BNIPL: variants seen among roughly 807,000 people sequenced by gnomAD.
The protein encoded by BNIPL is bcl-2/adenovirus E1B 19 kDa-interacting protein 2-like protein.
A neutral mutation model predicts 47.0 loss-of-function variants in BNIPL; 33 were observed. The ratio of observed to expected loss-of-function variants is 0.70; its 90% CI spans 0.53 to 0.94. The LOEUF (loss-of-function observed/expected upper bound fraction) is 0.94. Ranked by LOEUF, BNIPL falls within the 40% of genes least tolerant of loss-of-function variation. The pLI is 0.00. For missense variants in BNIPL, 404 were observed against 445.2 expected, an observed-to-expected ratio of 0.91 and a Z score of 0.83; for synonymous variants, 145 against 162.7, an observed-to-expected ratio of 0.89 and a Z score of 0.83.
chr1:151,045,965 C>A (rs1271574662), intron 8 of BNIPL, 82 bp downstream of exon 8: 2 of 1,612,724 alleles, frequency 1.2e-6, no homozygotes, highest in East Asian at 4.5e-5. Flanking sequence ...CACCTTGATT[C>A]TTTCTAGCCT....
In BNIPL at chr1:151,043,120, A is replaced by T. The variant is rs1480501896; in HGVS notation, c.598A>T (p.Lys200Ter). Residue 200 changes from lysine (K) to a stop codon, truncating the protein, a stop_gained, in exon 5 of 10, where the codon AAA (lysine) becomes TAA (stop). Transcript: ENST00000368931. LOFTEE classifies it high-confidence loss of function. Reference protein sequence around the residue: ...VDMTVIEPYKKVLSHGGYHGD... With the variant: ...VDMTVIEPYK ...CATGACTGTCATTGAGCCCTATAAG[A>T]AAGTCCTGTCTCATGGAGGTAATGG... 10 of 1,613,092 alleles carry T rather than the reference A, an allele frequency of 6.2e-6. No homozygotes were observed. Among genetic ancestry groups the T allele is most frequent in the Non-Finnish European group, 8.5e-6 (10 of 1,179,614 alleles).
At chr1:151,043,788 A>T in intron 7 of BNIPL, 61 bp downstream of exon 7, 1 of 1,510,248 alleles carries the variant, frequency 6.6e-7, no homozygotes, top group Non-Finnish European at 9.0e-7. Flanking sequence ...CCATCTTTCT[A>T]TTATTTCTTC....
At chr1:151,045,266 C>CAAAAAAAAAA (rs35529687) in intron 7 of BNIPL, among the ~76,000 whole-genome samples, 2 of 52,354 alleles carry the variant, frequency 3.8e-5, no homozygotes, top group African/African-American at 1.4e-4. Context: ...GATTCCATCT[C>CAAAAAAAAAA]AAAAAAAAAA....
At chr1:151,039,592 G>A (rs115422057) in intron 4 of BNIPL, among the ~76,000 whole-genome samples, 7,545 of 152,210 alleles carry the variant, frequency 0.05, 236 homozygotes, top group South Asian at 0.11. Context: ...CAAAGTATGA[G>A]CATGACTATT....
At chr1:151,043,888 T>G (rs587673404) in intron 7 of BNIPL, among the ~76,000 whole-genome samples, 161 bp downstream of exon 7, 2 of 152,202 alleles carry the variant, frequency 1.3e-5, no homozygotes, top group Non-Finnish European at 2.9e-5. Context: ...GTCAAGGAAA[T>G]CTAGCTTCAA....
chr1:151,047,670 G>A lies in BNIPL; in HGVS notation c.*983G>A. The stretch of plus-strand genomic sequence containing the variant: ...TTCTGGCAGAGTTCTTGCCGCAGAG[G>A]TTCCTTAGGAGCACCCCGCGCGGCC... On this transcript the variant is annotated 3_prime_UTR_variant, in exon 10 of 10. Coordinates refer to ENST00000368931, the MANE Select transcript of BNIPL (RefSeq NM_138278.4). 3 of 1,038,140 alleles carry A rather than the reference G, an allele frequency of 2.9e-6. No individual in the cohort carries two copies. The highest frequency in any genetic ancestry group is 4.0e-6 in the Non-Finnish European group (3 of 751,938). The allele number at this position is 1,038,140 out of a possible 1,614,324, so 64.3% of individuals were successfully genotyped here. A position where few individuals can be genotyped will look rare whatever the true frequency, so the allele number is the denominator to read the frequency against.
chr1:151,041,831 C>T (rs2102963651), intron 4 of BNIPL, among the ~76,000 whole-genome samples: 1 of 152,002 alleles, frequency 6.6e-6, no homozygotes, highest in African/African-American at 2.4e-5. Context: ...AAAAATTCGC[C>T]ACACATGGGG....
Position 151,046,704 on chromosome 1 carries a change from A to G in BNIPL, c.*17A>G, listed in dbSNP as rs6587553. On this transcript the variant is annotated 3_prime_UTR_variant, in exon 10 of 10. Transcript: ENST00000368931. ...GGGACATAGCACAGGACTGGATAAA[A>G]GGCCTTAGAACCAGTTAGTGATCTG... The G allele has an allele frequency of 0.81, 1,270,510 of 1,576,074 alleles. 513,217 individuals are homozygous for G. Among genetic ancestry groups the G allele is most frequent in the East Asian group, 0.92 (40,727 of 44,406 alleles).
intron 4 of BNIPL, among the ~76,000 whole-genome samples, chr1:151,039,992 C>G (rs1675762142): frequency 6.6e-6 from 1 of 152,172 alleles, no homozygotes; most frequent in South Asian, 2.1e-4. Context: ...CTCAAGTGAT[C>G]CACCTGCCTT....
At chr1:151,043,532 G>A in intron 6 of BNIPL, 64 bp from the exon 7 acceptor site, 1 of 1,560,068 alleles carries the variant, frequency 6.4e-7, no homozygotes, top group Non-Finnish European at 8.8e-7. Context: ...AGAGTCTACA[G>A]TAATGTTCCT....
chr1:151,045,901 A>G lies in BNIPL; in HGVS notation c.938+18A>G. The stretch of plus-strand genomic sequence containing the variant: ...TTCATCAGGTACTAGTTCTAGGAAC[A>G]AGGACTCCTTTCTCCTTCCCCCCAT... On this transcript the variant is annotated intron_variant, in intron 8 of 9. Coordinates refer to ENST00000368931, the MANE Select transcript of BNIPL (RefSeq NM_138278.4). The G allele has an allele frequency of 6.2e-7, 1 of 1,614,064 alleles. No homozygotes were observed. The highest frequency in any genetic ancestry group is 1.1e-5 in the South Asian group (1 of 91,076).
chr1:151,041,006 C>A (rs1389667899), intron 4 of BNIPL, among the ~76,000 whole-genome samples: 1 of 151,504 alleles, frequency 6.6e-6, no homozygotes, highest in Non-Finnish European at 1.5e-5. Flanking sequence ...AAAGTGAAAC[C>A]CTATTTCTAC....
At chr1:151,042,675 A>C (rs1675866635) in intron 4 of BNIPL, among the ~76,000 whole-genome samples, 1 of 152,022 alleles carries the variant, frequency 6.6e-6, no homozygotes, top group Non-Finnish European at 1.5e-5. Context: ...TTAGCTGGGC[A>C]TGGTGGTGCA....
chr1:151,043,486 A>G lies in BNIPL; in HGVS notation c.719+52A>G, dbSNP rs769926876. On this transcript the variant is annotated intron_variant, in intron 6 of 9. Coordinates refer to ENST00000368931, the MANE Select transcript of BNIPL (RefSeq NM_138278.4). ...AGGGCAGTGTTAGGGAGGGAAAAGT[A>G]AAAAAGAACTCCTTCAAAGATCAGT... 7.7e-6 allele frequency: 12 copies of G among 1,555,876 alleles called. No individual in the cohort carries two copies. In the South Asian group the frequency reaches 8.9e-5, roughly 12 times the overall value.
chr1:151,039,281 G>A (rs1055348598), intron 4 of BNIPL, among the ~76,000 whole-genome samples: 2 of 152,106 alleles, frequency 1.3e-5, no homozygotes, highest in Non-Finnish European at 2.9e-5. Context: ...TATAGGACTG[G>A]GGTTATAAAG....
rs763687776 is a variant in BNIPL, at chr1:151,036,951, G to A, written c.41+185G>A. 1.6e-3 allele frequency among the ~76,000 whole-genome samples: 238 copies of A among 152,112 alleles called. 3 individuals carry two copies. The highest frequency in any genetic ancestry group is 0.015 in the Admixed American group (235 of 15,274). ...AAATGTCAGTATGGTATGGAACTGG[G>A]GAACAGGATTCCAGGATAATTCCCT... On this transcript the variant is annotated intron_variant, in intron 1 of 9. Coordinates refer to ENST00000368931, the MANE Select transcript of BNIPL (RefSeq NM_138278.4).
chr1:151,044,986 C>T lies in BNIPL; in HGVS notation c.852-811C>T, dbSNP rs587642651. The stretch of plus-strand genomic sequence containing the variant: ...ATGGAGCAGAAAAAGACCAGGTGGT[C>T]GGGCGCGGTGGCTCACGTCTGTAAT... On this transcript the variant is annotated intron_variant, in intron 7 of 9. Transcript: ENST00000368931. 1.8e-5 allele frequency: 23 copies of T among 1,274,780 alleles called. No individual in the cohort carries two copies. In the South Asian group the frequency reaches 1.9e-4, roughly 10 times the overall value. 79.0% of individuals were successfully genotyped at this position (1,274,780 alleles called of 1,614,324 possible). A position where few individuals can be genotyped will look rare whatever the true frequency, so the allele number is the denominator to read the frequency against.
In BNIPL at chr1:151,038,891, C is replaced by T. The variant is rs138667315; in HGVS notation, c.298C>T (p.Pro100Ser). The part of the protein sequence containing the change: ...PELRLSLTKG[P>S]GNDGASPTQS... Reference sequence around the variant, plus strand: ...GTTGCGGCTGAGTCTGACTAAGGGGCCTGGAAATGATGGAGCTTCACCCAC... The same window carrying T: ...GTTGCGGCTGAGTCTGACTAAGGGGTCTGGAAATGATGGAGCTTCACCCAC... The change falls in exon 4 of 10, where the codon CCT becomes TCT. Residue 100 changes from proline to serine, a missense_variant. Pro to Ser is a moderately conservative substitution (Grantham distance 74). Coordinates refer to ENST00000368931, the MANE Select transcript of BNIPL (RefSeq NM_138278.4). The T allele has an allele frequency of 5.6e-6, 9 of 1,613,946 alleles. No homozygotes were observed. The highest frequency in any genetic ancestry group is 6.8e-6 in the Non-Finnish European group (8 of 1,179,988).
intron 3 of BNIPL, 80 bp downstream of exon 3, chr1:151,038,648 T>C: frequency 1.9e-6 from 3 of 1,588,886 alleles, no homozygotes; most frequent in Middle Eastern, 1.7e-4. Flanking sequence ...CTTTTACAGT[T>C]CCATTTCCCC....
Sources: gnomAD v4.1 joint callset for allele counts (sites outside exome capture counted in the v4.1 genomes callset) on GRCh38, gnomAD v4.1.1 for gene constraint, MANE v1.5 for transcripts, NCBI Gene and HGNC (gene_info 2026-07-23, HGNC 2026-07-21) for gene names.